The following FBXL17 variants were observed in gnomAD, a reference collection of about 807,000 sequenced individuals.
FBXL17 encodes F-box/LRR-repeat protein 17.
FBXL17 carries 22 observed loss-of-function variants against 66.2 expected under a neutral mutation model. That is an observed-to-expected ratio of 0.33 (90% CI 0.24 to 0.47). The LOEUF is 0.47. FBXL17 is among the 20% of genes least tolerant of loss of function. FBXL17 has a pLI of 1.00. For synonymous variants in FBXL17, 474 were observed against 400.5 expected, an observed-to-expected ratio of 1.18 and a Z score of -2.19; for missense variants, 878 against 948.2, an observed-to-expected ratio of 0.93 and a Z score of 0.97.
chr5:108,078,837 G>A (rs1026073741), intron 6 of FBXL17, among the ~76,000 whole-genome samples: 4 of 152,094 alleles, frequency 2.6e-5, no homozygotes, highest in Admixed American at 1.3e-4. Flanking sequence ...ACTCCACTAC[G>A]GGGTTAGGTA....
At chr5:107,867,645 GA>G (rs748037379) in intron 8 of FBXL17, among the ~76,000 whole-genome samples, 16 of 152,324 alleles carry the variant, frequency 1.1e-4, no homozygotes, top group Admixed American at 5.9e-4. Flanking sequence ...ATAAATTGTG[GA>G]CAGGTCTCCT....
chr5:108,230,238 A>G (rs1166826091), intron 4 of FBXL17, among the ~76,000 whole-genome samples: 1 of 152,190 alleles, frequency 6.6e-6, no homozygotes, highest in African/African-American at 2.4e-5. Context: ...CCAGAGGAAA[A>G]GAAGTCATTA....
chr5:108,205,352 T>C (rs1328789442), intron 5 of FBXL17, among the ~76,000 whole-genome samples: 1 of 152,206 alleles, frequency 6.6e-6, no homozygotes, highest in African/African-American at 2.4e-5. Context: ...TGTCTCTTAC[T>C]GATAAAAATT....
intron 7 of FBXL17, among the ~76,000 whole-genome samples, chr5:108,000,923 T>C (rs2112715082): frequency 6.6e-6 from 1 of 152,324 alleles, no homozygotes; most frequent in South Asian, 2.1e-4. Flanking sequence ...TGAAGTAGAA[T>C]ACAGCAGAAG....
intron 5 of FBXL17, among the ~76,000 whole-genome samples, chr5:108,192,531 T>C (rs185877404): frequency 1.3e-3 from 198 of 152,272 alleles, no homozygotes; most frequent in African/African-American, 4.3e-3. Flanking sequence ...CACTAAAATG[T>C]TACCTAGGAA....
chr5:108,039,506 T>TA (rs1465636776), intron 6 of FBXL17, among the ~76,000 whole-genome samples: 1 of 151,978 alleles, frequency 6.6e-6, no homozygotes, highest in Non-Finnish European at 1.5e-5. Flanking sequence ...AGGCTAGTTG[T>TA]AAAAAAATAA....
chr5:108,096,796 G>C (rs763145424), intron 6 of FBXL17, among the ~76,000 whole-genome samples: 1 of 152,106 alleles, frequency 6.6e-6, no homozygotes, highest in Non-Finnish European at 1.5e-5. Flanking sequence ...GGTTAAGGAG[G>C]GCAGGCCTCA....
intron 6 of FBXL17, among the ~76,000 whole-genome samples, chr5:108,072,962 C>T (rs181297272): frequency 6.6e-5 from 10 of 152,158 alleles, no homozygotes; most frequent in Admixed American, 4.6e-4. Flanking sequence ...GACCACAAAA[C>T]GAGTGAAATA....
chr5:108,320,896 G>A (rs1759588229), intron 4 of FBXL17, among the ~76,000 whole-genome samples: 1 of 151,666 alleles, frequency 6.6e-6, no homozygotes, highest in Non-Finnish European at 1.5e-5. Context: ...GAAAAATCAC[G>A]CAAATTTGTT....
chr5:107,909,031 G>C (rs1001968146), intron 7 of FBXL17, among the ~76,000 whole-genome samples: 5 of 152,144 alleles, frequency 3.3e-5, no homozygotes, highest in African/African-American at 1.2e-4. Context: ...AACTGAACCT[G>C]TGATAGTCTC....
In FBXL17 at chr5:108,381,589, G is replaced by C; in HGVS notation, c.103C>G (p.Arg35Gly). ...RRRRPLLRLP[R>G]RTPAKVPPQP... is the part of the protein sequence containing the mutation. Reference sequence around the variant, plus strand: ...GGGGGCACCTTGGCTGGGGTCCGGCGGGGCAGCCTGAGGAGAGGGCGCCGG... The same window carrying C: ...GGGGGCACCTTGGCTGGGGTCCGGCCGGGCAGCCTGAGGAGAGGGCGCCGG... Residue 35 changes from arginine (R) to glycine (G), a missense_variant, in exon 1 of 9, where the codon CGC becomes GGC. By Grantham distance (125) the Arg-to-Gly change is moderately radical. Coordinates refer to ENST00000542267, the MANE Select transcript of FBXL17 (RefSeq NM_001163315.3). 1 of 1,458,914 alleles carries C rather than the reference G, an allele frequency of 6.9e-7. No homozygotes were observed. The highest frequency in any genetic ancestry group is 1.5e-5 in the African/African-American group (1 of 67,206). The allele number at this position is 1,458,914 out of a possible 1,614,324, so 90.4% of individuals were successfully genotyped here. A position where few individuals can be genotyped will look rare whatever the true frequency, so the allele number is the denominator to read the frequency against.
Position 108,231,311 on chromosome 5 carries a change from A to G in FBXL17, c.1507-7083T>C, listed in dbSNP as rs536111395. Reference sequence around the variant, plus strand: ...ACCCAAAAAATTCCCTCTATATTCTATGCTCATATACAGTTAATCACAGCT... The same window carrying G: ...ACCCAAAAAATTCCCTCTATATTCTGTGCTCATATACAGTTAATCACAGCT... On this transcript the variant is annotated intron_variant, in intron 4 of 8. Coordinates refer to ENST00000542267, the MANE Select transcript of FBXL17 (RefSeq NM_001163315.3). 2.6e-5 allele frequency among the ~76,000 whole-genome samples: 4 copies of G among 152,244 alleles called. No homozygotes were observed. In the South Asian group the frequency reaches 8.3e-4, roughly 32 times the overall value.
chr5:108,344,622 T>C (rs1233369473), intron 4 of FBXL17, among the ~76,000 whole-genome samples: 1 of 152,206 alleles, frequency 6.6e-6, no homozygotes, highest in Non-Finnish European at 1.5e-5. Context: ...AACACTGGCC[T>C]ATATAACAAA....
At chr5:107,922,744 G>C (rs187767514) in intron 7 of FBXL17, among the ~76,000 whole-genome samples, 1 of 152,284 alleles carries the variant, frequency 6.6e-6, no homozygotes, top group East Asian at 1.9e-4. Context: ...CCAGAGTGAG[G>C]TTAATATAAC....
chr5:108,178,002 T>C (rs10463586), intron 6 of FBXL17, among the ~76,000 whole-genome samples: 3 of 147,888 alleles, frequency 2.0e-5, no homozygotes, highest in Admixed American at 6.9e-5. Flanking sequence ...GTCTAATGGA[T>C]AGAAGAACAG....
intron 4 of FBXL17, among the ~76,000 whole-genome samples, chr5:108,250,717 T>A (rs759524468): frequency 3.2e-4 from 49 of 152,120 alleles, no homozygotes; most frequent in Non-Finnish European, 5.2e-4. Context: ...ATCTTTCTCT[T>A]ACATTCTCCA....
intron 7 of FBXL17, among the ~76,000 whole-genome samples, chr5:107,953,210 G>A (rs968553672): frequency 1.3e-5 from 2 of 151,982 alleles, no homozygotes; most frequent in Non-Finnish European, 2.9e-5. Flanking sequence ...AGACCATCCT[G>A]GCTAACACGG....
intron 5 of FBXL17, among the ~76,000 whole-genome samples, chr5:108,206,018 T>A (rs1561463795): frequency 6.6e-6 from 1 of 152,180 alleles, no homozygotes; most frequent in East Asian, 1.9e-4. Flanking sequence ...CTAAGATTGA[T>A]CAGTGAGTTA....
At chr5:107,918,233 C>T (rs537061801) in intron 7 of FBXL17, among the ~76,000 whole-genome samples, 90 of 152,300 alleles carry the variant, frequency 5.9e-4, no homozygotes, top group African/African-American at 1.2e-3. Flanking sequence ...GGCTGTGGGG[C>T]TGGGGCGGCC....
Sources: allele counts gnomAD v4.1 joint callset (sites outside exome capture counted in the v4.1 genomes callset), GRCh38; gene constraint gnomAD v4.1.1; transcripts MANE v1.5; gene names NCBI Gene and HGNC (gene_info 2026-07-23, HGNC 2026-07-21).